C4orf36: variants seen among roughly 807,000 people sequenced by gnomAD.
C4orf36 encodes chromosome 4 open reading frame 36.
In C4orf36, 11 loss-of-function variants were observed where a neutral mutation model predicts 12.2. The observed-to-expected ratio is 0.90, with a 90% CI of 0.57 to 1.49. The LOEUF is 1.49. Among genes scored for constraint, C4orf36 ranks in the 40% most tolerant of loss-of-function variants. The probability of loss-of-function intolerance (pLI) is 0.00; values close to 1 mark genes in which losing one functional copy is unlikely to be tolerated. For synonymous variants in C4orf36, 54 were observed against 51.3 expected (o/e 1.05, Z -0.22); for missense variants, 137 against 133.9 (o/e 1.02, Z -0.11).
chr4:86,934,170 A>G, the C4orf36 span, among the ~76,000 whole-genome samples: 1 of 152,186 alleles, frequency 6.6e-6, no homozygotes, highest in Non-Finnish European at 1.5e-5. Context: ...CCCATTTTAA[A>G]CCATAAAATA....
the C4orf36 span, among the ~76,000 whole-genome samples, chr4:86,908,073 G>A: frequency 2.0e-5 from 3 of 151,998 alleles, no homozygotes; most frequent in Non-Finnish European, 2.9e-5. Context: ...TGCTTTGCCT[G>A]CAGAGAGCAC....
At chr4:86,879,047 T>G (rs1746986167) in intron 4 of C4orf36, among the ~76,000 whole-genome samples, 1 of 125,798 alleles carries the variant, frequency 7.9e-6, no homozygotes, top group Admixed American at 8.4e-5. Flanking sequence ...CTGGGAGAGG[T>G]AGCTGTTTTT....
chr4:86,935,541 G>C, the C4orf36 span: 3 of 152,320 alleles, frequency 2.0e-5, no homozygotes, highest in African/African-American at 7.2e-5. Flanking sequence ...CAAGTCAGAC[G>C]TTTGCCTGTG....
At chr4:86,916,275 C>T in the C4orf36 span, among the ~76,000 whole-genome samples, 2 of 149,056 alleles carry the variant, frequency 1.3e-5, no homozygotes, top group African/African-American at 2.5e-5. Context: ...ACTACAAAGA[C>T]GTGTGTCTAT....
chr4:86,933,237 G>A, the C4orf36 span: 10 of 152,078 alleles, frequency 6.6e-5, no homozygotes, highest in South Asian at 8.3e-4. Flanking sequence ...CACCATTCAC[G>A]AAATAAATCA....
At chr4:86,914,001 A>C in the C4orf36 span, 2 of 1,594,710 alleles carry the variant, frequency 1.3e-6, no homozygotes, top group Admixed American at 3.3e-5. Context: ...TCTGCATTTG[A>C]AGTCACATGA....
At chr4:86,909,416 C>A in the C4orf36 span, among the ~76,000 whole-genome samples, 1 of 152,278 alleles carries the variant, frequency 6.6e-6, no homozygotes, top group South Asian at 2.1e-4. Flanking sequence ...TAACAAACAG[C>A]AAACCGGCTG....
Position 86,876,259 on chromosome 4 carries a change from T to C in C4orf36, c.*187A>G. ...GTTTAAAAAGAGAAACAAACTGAGT[T>C]CCACTGAAATTAAGAGATTTTCTCG... On this transcript the variant is annotated 3_prime_UTR_variant, in exon 5 of 5. Coordinates refer to ENST00000295898, the MANE Select transcript of C4orf36 (RefSeq NM_144645.4). 1 of 623,718 alleles carries C rather than the reference T, an allele frequency of 1.6e-6. No homozygotes were observed. The highest frequency in any genetic ancestry group is 2.6e-6 in the Non-Finnish European group (1 of 391,906). 38.6% of individuals were successfully genotyped at this position (623,718 alleles called of 1,614,324 possible). A position where few individuals can be genotyped will look rare whatever the true frequency, so the allele number is the denominator to read the frequency against.
At chr4:86,904,977 T>C in the C4orf36 span, among the ~76,000 whole-genome samples, 1 of 152,152 alleles carries the variant, frequency 6.6e-6, no homozygotes, top group African/African-American at 2.4e-5. Flanking sequence ...AACTCACGCC[T>C]GTAATCCCAA....
the C4orf36 span, chr4:86,934,965 G>A: frequency 1.3e-5 from 2 of 151,964 alleles, no homozygotes; most frequent in South Asian, 2.1e-4. Context: ...TCGCGCGGAG[G>A]GCGTGGCCTC....
At chr4:86,935,187 G>C in the C4orf36 span, 1 of 152,394 alleles carries the variant, frequency 6.6e-6, no homozygotes, top group African/African-American at 2.4e-5. Flanking sequence ...TCAGGGGAGG[G>C]CGGAGGTGAC....
At chr4:86,908,000 A>C in the C4orf36 span, among the ~76,000 whole-genome samples, 5 of 151,746 alleles carry the variant, frequency 3.3e-5, no homozygotes, top group Non-Finnish European at 1.5e-5. Flanking sequence ...GTGTCACATC[A>C]AATAATTTGT....
At chr4:86,934,090 A>G in the C4orf36 span, among the ~76,000 whole-genome samples, 24 of 152,360 alleles carry the variant, frequency 1.6e-4, no homozygotes, top group African/African-American at 5.5e-4. Flanking sequence ...ATTTTCACAC[A>G]TTATACCAAT....
chr4:86,929,287 G>A, the C4orf36 span, among the ~76,000 whole-genome samples: 65 of 152,254 alleles, frequency 4.3e-4, no homozygotes, highest in African/African-American at 1.5e-3. Flanking sequence ...GCTTGACTAG[G>A]GAAAGTTCAT....
chr4:86,902,853 C>T, the C4orf36 span, among the ~76,000 whole-genome samples: 1 of 151,978 alleles, frequency 6.6e-6, no homozygotes, highest in African/African-American at 2.4e-5. Context: ...ATTTGAGCTC[C>T]GTAATCATAT....
the C4orf36 span, among the ~76,000 whole-genome samples, chr4:86,931,095 C>T: frequency 1.1e-4 from 17 of 152,338 alleles, no homozygotes; most frequent in Non-Finnish European, 2.2e-4. Flanking sequence ...AAATCAATCT[C>T]CTACCCACCG....
At chr4:86,890,192 A>AGGGAGGGG in intron 2 of C4orf36, 1 of 105,670 alleles carries the variant, frequency 9.5e-6, no homozygotes, top group South Asian at 6.0e-5. Context: ...GGAGGGAGGG[A>AGGGAGGGG]GGGAGGGAGG....
chr4:86,927,103 C>T, the C4orf36 span, among the ~76,000 whole-genome samples: 2 of 152,236 alleles, frequency 1.3e-5, no homozygotes, highest in Non-Finnish European at 2.9e-5. Context: ...ATGCCCACCC[C>T]CATTCTAGAA....
chr4:86,907,971 AAAG>A, the C4orf36 span, among the ~76,000 whole-genome samples: 1 of 151,874 alleles, frequency 6.6e-6, no homozygotes, highest in Admixed American at 6.6e-5. Flanking sequence ...AAAAAAAAAA[AAAG>A]AGAAAAAAAG....
Sources: gnomAD v4.1 joint callset for allele counts (sites outside exome capture counted in the v4.1 genomes callset) on GRCh38, gnomAD v4.1.1 for gene constraint, MANE v1.5 for transcripts, NCBI Gene and HGNC (gene_info 2026-07-23, HGNC 2026-07-21) for gene names.